The following LRRC4C variants were observed in gnomAD, a reference collection of about 807,000 sequenced individuals.
The protein encoded by LRRC4C is leucine rich repeat containing 4C.
LRRC4C carries 5 observed loss-of-function variants against 33.6 expected under a neutral mutation model. That is an observed-to-expected ratio of 0.15 (90% confidence interval 0.08 to 0.31). The LOEUF is 0.31. Among genes scored for constraint, LRRC4C ranks in the 10% least tolerant of loss-of-function variants. The pLI, the probability that LRRC4C is intolerant of heterozygous loss-of-function variation, is 1.00. For missense variants in LRRC4C, 560 were observed against 796.7 expected (o/e 0.70, Z 3.58); for synonymous variants, 329 against 302.0 (o/e 1.09, Z -0.93).
chr11:40,118,409 C>T (rs1855592770), intron 6 of LRRC4C, among the ~76,000 whole-genome samples: 1 of 151,914 alleles, frequency 6.6e-6, no homozygotes, highest in Admixed American at 6.6e-5. Flanking sequence ...ATCCTTACCT[C>T]GTGGGAATTT....
chr11:41,029,485 G>A (rs760580486), intron 1 of LRRC4C, among the ~76,000 whole-genome samples: 1 of 151,694 alleles, frequency 6.6e-6, no homozygotes, highest in African/African-American at 2.4e-5. Context: ...TTAACTTTCT[G>A]TGATGACTAT....
At chr11:40,561,926 C>T (rs1053387103) in intron 3 of LRRC4C, among the ~76,000 whole-genome samples, 4 of 152,152 alleles carry the variant, frequency 2.6e-5, no homozygotes, top group South Asian at 2.1e-4. Context: ...TAATGGGGTG[C>T]ATGAAGCAAT....
intron 1 of LRRC4C, among the ~76,000 whole-genome samples, chr11:41,351,630 G>C (rs931078390): frequency 6.6e-6 from 1 of 152,124 alleles, no homozygotes; most frequent in Non-Finnish European, 1.5e-5. Context: ...ACCCCATCAG[G>C]CTAACAGCAG....
chr11:40,381,653 G>A (rs1462811174), intron 3 of LRRC4C, among the ~76,000 whole-genome samples: 3 of 152,020 alleles, frequency 2.0e-5, no homozygotes, highest in Non-Finnish European at 4.4e-5. Context: ...CTCAGAACCT[G>A]AGAACGTGAC....
chr11:40,247,918 A>G (rs1238895743), intron 4 of LRRC4C, among the ~76,000 whole-genome samples: 3 of 152,202 alleles, frequency 2.0e-5, no homozygotes, highest in Admixed American at 2.0e-4. Flanking sequence ...CTTAGCAGAA[A>G]ATGATGTTAT....
chr11:40,476,777 A>C (rs927172322), intron 3 of LRRC4C, among the ~76,000 whole-genome samples: 1 of 152,208 alleles, frequency 6.6e-6, no homozygotes, highest in Non-Finnish European at 1.5e-5. Context: ...GGTATATTTT[A>C]ATTTTTTTAA....
At chr11:41,401,798 G>C (rs142815934) in intron 1 of LRRC4C, among the ~76,000 whole-genome samples, 2 of 152,038 alleles carry the variant, frequency 1.3e-5, no homozygotes, top group African/African-American at 4.8e-5. Context: ...TATCATGTGA[G>C]TTATGCATGG....
intron 3 of LRRC4C, among the ~76,000 whole-genome samples, chr11:40,458,286 C>T (rs545993299): frequency 5.9e-5 from 9 of 152,018 alleles, no homozygotes; most frequent in Admixed American, 2.6e-4. Flanking sequence ...ATCATATATA[C>T]GTATAATCAT....
At chr11:40,835,824 G>A (rs143115135) in intron 2 of LRRC4C, among the ~76,000 whole-genome samples, 2 of 152,240 alleles carry the variant, frequency 1.3e-5, no homozygotes, top group East Asian at 1.9e-4. Flanking sequence ...AATATTAATA[G>A]CATTCCTTTC....
At chr11:40,893,532 A>G (rs564905141) in intron 2 of LRRC4C, among the ~76,000 whole-genome samples, 1 of 152,188 alleles carries the variant, frequency 6.6e-6, no homozygotes, top group Admixed American at 6.5e-5. Context: ...AGACATAAAT[A>G]TATGTGCCCT....
intron 2 of LRRC4C, among the ~76,000 whole-genome samples, chr11:40,650,398 G>A (rs1942722434): frequency 6.6e-6 from 1 of 152,114 alleles, no homozygotes; most frequent in South Asian, 2.1e-4. Context: ...CATGATAACT[G>A]TCTTTACTTT....
intron 4 of LRRC4C, among the ~76,000 whole-genome samples, chr11:40,285,872 T>TA (rs1218667535): frequency 1.3e-5 from 2 of 152,224 alleles, no homozygotes; most frequent in East Asian, 1.9e-4. Context: ...AGTCAGCAGA[T>TA]ACGCAGTTCC....
chr11:41,230,558 A>T (rs1049916159), intron 1 of LRRC4C, among the ~76,000 whole-genome samples: 2 of 152,062 alleles, frequency 1.3e-5, no homozygotes, highest in Non-Finnish European at 2.9e-5. Context: ...GCAAGTTTTA[A>T]TTATTAGCCA....
intron 3 of LRRC4C, among the ~76,000 whole-genome samples, chr11:40,622,987 T>TA (rs1165623619): frequency 6.6e-6 from 1 of 151,844 alleles, no homozygotes; most frequent in Non-Finnish European, 1.5e-5. Flanking sequence ...TATTTAAATT[T>TA]AAAAAATAAT....
chr11:40,726,508 A>T (rs1405161453), intron 2 of LRRC4C, among the ~76,000 whole-genome samples: 1 of 152,232 alleles, frequency 6.6e-6, no homozygotes, highest in African/African-American at 2.4e-5. Context: ...TAGAAAAAAC[A>T]TATGATCATT....
chr11:40,521,425 C>T (rs7941827), intron 3 of LRRC4C, among the ~76,000 whole-genome samples: 9,840 of 152,158 alleles, frequency 0.065, 833 homozygotes, highest in African/African-American at 0.2. Context: ...TGGATAGTTG[C>T]TATTTATGCT....
At chr11:40,254,840 A>G (rs1422391666) in intron 4 of LRRC4C, among the ~76,000 whole-genome samples, 4 of 151,988 alleles carry the variant, frequency 2.6e-5, no homozygotes, top group Non-Finnish European at 5.9e-5. Flanking sequence ...ACAGGATCTC[A>G]CTCTGTCACC....
intron 3 of LRRC4C, among the ~76,000 whole-genome samples, chr11:40,327,243 G>A (rs1005560328): frequency 3.3e-5 from 5 of 152,164 alleles, no homozygotes; most frequent in Non-Finnish European, 7.3e-5. Flanking sequence ...CCATGACAGG[G>A]CTTTCAACAG....
At chr11:40,205,606 C>T (rs1863088552) in intron 5 of LRRC4C, among the ~76,000 whole-genome samples, 1 of 152,110 alleles carries the variant, frequency 6.6e-6, no homozygotes. Context: ...TTCACCCTCC[C>T]TCCTTTCACT....
Sources: allele counts gnomAD v4.1 joint callset (sites outside exome capture counted in the v4.1 genomes callset), GRCh38; gene constraint gnomAD v4.1.1; transcripts MANE v1.5; gene names NCBI Gene and HGNC (gene_info 2026-07-23, HGNC 2026-07-21).